The following STK32B variants were observed in gnomAD, a reference collection of about 807,000 sequenced individuals.
STK32B encodes serine/threonine kinase 32B.
A neutral mutation model predicts 52.6 loss-of-function variants in STK32B; 43 were observed. That is an observed-to-expected ratio of 0.82 (90% CI 0.64 to 1.05). STK32B has a LOEUF of 1.05. Ranked by LOEUF, STK32B falls within the 50% of genes least tolerant of loss-of-function variation. The pLI is 0.00. For missense variants in STK32B, 621 were observed against 534.6 expected (o/e 1.16, Z -1.59); for synonymous variants, 238 against 204.3 (o/e 1.17, Z -1.41).
intron 3 of STK32B, among the ~76,000 whole-genome samples, chr4:5,251,877 G>A (rs139709587): frequency 5.5e-4 from 84 of 152,178 alleles, no homozygotes; most frequent in African/African-American, 1.9e-3. Flanking sequence ...CTGCATCTGG[G>A]CACTAATTTC....
intron 11 of STK32B, among the ~76,000 whole-genome samples, chr4:5,483,292 A>G (rs1718874811): frequency 6.6e-6 from 1 of 151,670 alleles, no homozygotes; most frequent in Non-Finnish European, 1.5e-5. Flanking sequence ...TCAGAGATTC[A>G]ACTTCTTCCT....
At chr4:5,262,191 C>T (rs977424111) in intron 3 of STK32B, among the ~76,000 whole-genome samples, 1 of 152,162 alleles carries the variant, frequency 6.6e-6, no homozygotes, top group Non-Finnish European at 1.5e-5. Flanking sequence ...CCAGTTGCAG[C>T]TCAGAGGAAG....
intron 9 of STK32B, among the ~76,000 whole-genome samples, chr4:5,464,631 T>C (rs536421323): frequency 6.6e-6 from 1 of 152,332 alleles, no homozygotes; most frequent in African/African-American, 2.4e-5. Flanking sequence ...GCGTGTTCTG[T>C]GTACCTGCCA....
chr4:5,241,361 T>C lies in STK32B; in HGVS notation c.260+72911T>C, dbSNP rs185280665. ...CATTATTTTCGTTTACAAAAACTTATGTAAATTGCATAATAATTTTCTTTA... is the reference window on the plus strand; with the variant it reads ...CATTATTTTCGTTTACAAAAACTTACGTAAATTGCATAATAATTTTCTTTA... On this transcript the variant is annotated intron_variant, in intron 3 of 11. Coordinates refer to ENST00000282908, the MANE Select transcript of STK32B (RefSeq NM_018401.3). Among the ~76,000 whole-genome samples, 1,242 of 152,254 alleles carry C rather than the reference T, an allele frequency of 8.2e-3. 10 individuals carry two copies. Among genetic ancestry groups the C allele is most frequent in the South Asian group, 0.043 (208 of 4,828 alleles).
At chr4:5,447,264 T>G (rs1715545974) in intron 7 of STK32B, 1 of 153,644 alleles carries the variant, frequency 6.5e-6, no homozygotes, top group South Asian at 2.0e-4. Flanking sequence ...GCATTTAAAT[T>G]TACAAGCTGA....
chr4:5,336,832 A>C (rs1008688306), intron 4 of STK32B, among the ~76,000 whole-genome samples: 1 of 152,218 alleles, frequency 6.6e-6, no homozygotes, highest in Non-Finnish European at 1.5e-5. Context: ...ATGATTTTCT[A>C]TATTGAGAGA....
At chr4:5,281,192 C>A (rs1728172645) in intron 3 of STK32B, among the ~76,000 whole-genome samples, 1 of 152,086 alleles carries the variant, frequency 6.6e-6, no homozygotes. Context: ...AAATCTGTCC[C>A]CATGATCTAG....
the STK32B span, among the ~76,000 whole-genome samples, chr4:5,031,207 C>T: frequency 2.6e-5 from 4 of 152,160 alleles, no homozygotes; most frequent in Non-Finnish European, 5.9e-5. Context: ...ATGTTCATCT[C>T]ATGTTAAAAA....
chr4:5,419,189 G>T (rs1174933571), intron 6 of STK32B, among the ~76,000 whole-genome samples: 1 of 152,196 alleles, frequency 6.6e-6, no homozygotes, highest in East Asian at 1.9e-4. Context: ...TTAGAAGATG[G>T]TGTGGTTCAG....
the STK32B span, among the ~76,000 whole-genome samples, chr4:5,042,234 G>A: frequency 6.6e-6 from 1 of 152,358 alleles, no homozygotes; most frequent in East Asian, 1.9e-4. Flanking sequence ...CCCCTTGTTA[G>A]AGCCACAGGA....
the STK32B span, among the ~76,000 whole-genome samples, chr4:5,028,141 C>G: frequency 1.3e-5 from 2 of 152,292 alleles, no homozygotes; most frequent in African/African-American, 4.8e-5. Flanking sequence ...ACAGCAGTTA[C>G]TTTGTTTTTA....
intron 1 of STK32B, among the ~76,000 whole-genome samples, chr4:5,100,779 T>TTTC: frequency 7.2e-6 from 1 of 138,948 alleles, no homozygotes; most frequent in Admixed American, 7.4e-5. Context: ...CTCCTTCCCT[T>TTTC]CTTCCTTCCT....
intron 4 of STK32B, among the ~76,000 whole-genome samples, chr4:5,366,761 G>T (rs1479138331): frequency 6.6e-6 from 1 of 152,172 alleles, no homozygotes; most frequent in East Asian, 1.9e-4. Context: ...CAGATTCCTT[G>T]ACTACTGAGT....
intron 4 of STK32B, among the ~76,000 whole-genome samples, chr4:5,370,816 A>T (rs1034753054): frequency 2.6e-5 from 4 of 151,848 alleles, no homozygotes; most frequent in East Asian, 1.9e-4. Flanking sequence ...AAATAAAAAT[A>T]AAAAAAATTA....
At chr4:5,462,099 C>CTGTGTGTATGCCTGTGCATCTG (rs142921910) in intron 9 of STK32B, among the ~76,000 whole-genome samples, 2,680 of 152,010 alleles carry the variant, frequency 0.018, 39 homozygotes, top group South Asian at 0.077. Context: ...GGAAGTGTGT[C>CTGTGTGTATGCCTGTGCATCTG]TGTGTGTATG....
intron 3 of STK32B, among the ~76,000 whole-genome samples, chr4:5,294,120 G>C (rs1390301347): frequency 6.6e-6 from 1 of 152,106 alleles, no homozygotes; most frequent in East Asian, 1.9e-4. Flanking sequence ...TTATTTCTGA[G>C]GCCTCTGTTC....
chr4:5,269,680 G>T (rs1464717612), intron 3 of STK32B, among the ~76,000 whole-genome samples: 2 of 152,104 alleles, frequency 1.3e-5, no homozygotes, highest in Non-Finnish European at 2.9e-5. Flanking sequence ...CAATATTTGT[G>T]CTGAAAAATA....
rs1011539077 is a variant in STK32B, at chr4:5,443,543, G to A, written c.563-3130G>A. Reference sequence around the variant, plus strand: ...AAAGTTTTCAACTTCTTTGCCTTTGGTTTGAATGTCCTCCCATAGCTCAGA... The same window carrying A: ...AAAGTTTTCAACTTCTTTGCCTTTGATTTGAATGTCCTCCCATAGCTCAGA... On this transcript the variant is annotated intron_variant, in intron 6 of 11. Coordinates refer to ENST00000282908, the MANE Select transcript of STK32B (RefSeq NM_018401.3). Among the ~76,000 whole-genome samples, 206 of 152,098 alleles carry A rather than the reference G, an allele frequency of 1.4e-3. 1 individual carries two copies. The highest frequency in any genetic ancestry group is 4.1e-3 in the African/African-American group (169 of 41,478).
At chr4:5,285,605 T>C (rs1728496766) in intron 3 of STK32B, among the ~76,000 whole-genome samples, 1 of 152,184 alleles carries the variant, frequency 6.6e-6, no homozygotes, top group Non-Finnish European at 1.5e-5. Flanking sequence ...ATTTCTGAAC[T>C]TGTATGCTCC....
Sources: allele counts gnomAD v4.1 joint callset (sites outside exome capture counted in the v4.1 genomes callset), GRCh38; gene constraint gnomAD v4.1.1; transcripts MANE v1.5; gene names NCBI Gene and HGNC (gene_info 2026-07-23, HGNC 2026-07-21).